PHACTR1: variants seen among roughly 807,000 people sequenced by gnomAD.
The protein encoded by PHACTR1 is RPEL repeat containing 1.
A neutral mutation model predicts 69.2 loss-of-function variants in PHACTR1; 16 were observed. The observed-to-expected ratio is 0.23, with a 90% CI of 0.16 to 0.35. The LOEUF is 0.35. Among genes scored for constraint, PHACTR1 ranks in the 10% least tolerant of loss-of-function variants. PHACTR1 has a pLI of 1.00. For missense variants in PHACTR1, 510 were observed against 734.7 expected, an observed-to-expected ratio of 0.69 and a Z score of 3.54; for synonymous variants, 312 against 284.5, an observed-to-expected ratio of 1.10 and a Z score of -0.97.
intron 4 of PHACTR1, among the ~76,000 whole-genome samples, chr6:13,044,935 T>C (rs1804788159): frequency 6.8e-6 from 1 of 146,176 alleles, no homozygotes; most frequent in East Asian, 1.9e-4. Context: ...GGTGTACATC[T>C]ATATTATATG....
chr6:12,863,216 A>G (rs1276427280), intron 4 of PHACTR1, among the ~76,000 whole-genome samples: 2 of 152,220 alleles, frequency 1.3e-5, no homozygotes, highest in African/African-American at 4.8e-5. Flanking sequence ...AACTCAAAGA[A>G]TAGATATTTA....
At chr6:13,028,840 C>T (rs1485437709) in intron 4 of PHACTR1, among the ~76,000 whole-genome samples, 6 of 152,062 alleles carry the variant, frequency 3.9e-5, no homozygotes, top group African/African-American at 1.2e-4. Flanking sequence ...AGTGAGTTCA[C>T]CAAAGCAAGA....
chr6:12,940,937 G>C (rs960181622), intron 4 of PHACTR1, among the ~76,000 whole-genome samples: 4 of 152,210 alleles, frequency 2.6e-5, no homozygotes, highest in Non-Finnish European at 5.9e-5. Context: ...ATGGCTTCAA[G>C]GTGTCTGTAT....
intron 5 of PHACTR1, among the ~76,000 whole-genome samples, chr6:13,083,258 T>C (rs1811703463): frequency 1.3e-5 from 2 of 152,046 alleles, no homozygotes; most frequent in Non-Finnish European, 2.9e-5. Context: ...TAGTTGTAGA[T>C]ATGCGGCATT....
At chr6:12,989,564 C>G (rs780005571) in intron 4 of PHACTR1, among the ~76,000 whole-genome samples, 11 of 152,186 alleles carry the variant, frequency 7.2e-5, no homozygotes, top group Admixed American at 2.6e-4. Flanking sequence ...GTGACTTTCT[C>G]TTAATGTTTT....
intron 4 of PHACTR1, among the ~76,000 whole-genome samples, chr6:12,935,096 G>A (rs1214786808): frequency 6.6e-6 from 1 of 152,074 alleles, no homozygotes. Flanking sequence ...ACTGTGGGGG[G>A]CCATAGCAAA....
Position 13,025,777 on chromosome 6 carries a change from C to G in PHACTR1, c.251-27588C>G, listed in dbSNP as rs544610532. 3.3e-5 allele frequency among the ~76,000 whole-genome samples: 5 copies of G among 150,974 alleles called. No homozygotes were observed. In the East Asian group the frequency reaches 7.8e-4, roughly 23 times the overall value. On this transcript the variant is annotated intron_variant, in intron 4 of 14. Coordinates refer to ENST00000332995, the MANE Select transcript of PHACTR1 (RefSeq NM_030948.6). ...AGTTTTGGAAACATGTATGTATTGGCTAAAGAATTACATTACATCATATAG... is the reference window on the plus strand; with the variant it reads ...AGTTTTGGAAACATGTATGTATTGGGTAAAGAATTACATTACATCATATAG...
chr6:13,004,556 A>G (rs1284365112), intron 4 of PHACTR1, among the ~76,000 whole-genome samples: 3 of 152,156 alleles, frequency 2.0e-5, no homozygotes, highest in Non-Finnish European at 2.9e-5. Context: ...TCTTGTTTAA[A>G]TTTTACTTTA....
At chr6:12,718,444 T>C in intron 2 of PHACTR1, 1 of 178,178 alleles carries the variant, frequency 5.6e-6, no homozygotes, top group East Asian at 1.4e-4. Context: ...AAGGCTGGTA[T>C]GTTATCTCTC....
chr6:12,731,338 A>G (rs892623969), intron 3 of PHACTR1, among the ~76,000 whole-genome samples: 2 of 152,164 alleles, frequency 1.3e-5, no homozygotes, highest in African/African-American at 4.8e-5. Flanking sequence ...AAACCCATGC[A>G]GTAATATATT....
At chr6:13,009,324 T>C (rs2127641303) in intron 4 of PHACTR1, among the ~76,000 whole-genome samples, 1 of 152,120 alleles carries the variant, frequency 6.6e-6, no homozygotes, top group African/African-American at 2.4e-5. Context: ...AAAGGACACA[T>C]AGAAGCAGGG....
At chr6:12,837,624 A>C (rs910928679) in intron 4 of PHACTR1, among the ~76,000 whole-genome samples, 1 of 151,432 alleles carries the variant, frequency 6.6e-6, no homozygotes, top group African/African-American at 2.4e-5. Context: ...AAACCACAAA[A>C]ATCTCTTTTT....
chr6:13,150,566 C>T (rs1157370673), intron 5 of PHACTR1, among the ~76,000 whole-genome samples: 1 of 152,136 alleles, frequency 6.6e-6, no homozygotes, highest in East Asian at 1.9e-4. Context: ...ATATGTTTAG[C>T]ATATCATGTT....
chr6:13,100,858 G>A (rs533712060), intron 5 of PHACTR1, among the ~76,000 whole-genome samples: 1 of 152,312 alleles, frequency 6.6e-6, no homozygotes, highest in South Asian at 2.1e-4. Flanking sequence ...AAGAGAAGAG[G>A]TGACCAGGTG....
intron 7 of PHACTR1, chr6:13,185,058 T>A: frequency 7.9e-7 from 1 of 1,272,078 alleles, no homozygotes. Flanking sequence ...TTCAAGGGAT[T>A]TTCTTTTTCT....
At chr6:12,904,077 C>G (rs1250916581) in intron 4 of PHACTR1, among the ~76,000 whole-genome samples, 1 of 152,168 alleles carries the variant, frequency 6.6e-6, no homozygotes, top group Non-Finnish European at 1.5e-5. Flanking sequence ...CTGAGCTATT[C>G]TTTTACATAT....
intron 4 of PHACTR1, among the ~76,000 whole-genome samples, chr6:12,784,468 A>AG (rs1771257373): frequency 6.6e-6 from 1 of 151,302 alleles, no homozygotes; most frequent in African/African-American, 2.5e-5. Context: ...CTATACACAC[A>AG]TGTCTATACA....
At chr6:12,997,434 G>A (rs1299701592) in intron 4 of PHACTR1, among the ~76,000 whole-genome samples, 1 of 149,302 alleles carries the variant, frequency 6.7e-6, no homozygotes, top group East Asian at 1.9e-4. Flanking sequence ...GGGATGGGGA[G>A]GAGAGAGTCT....
chr6:13,270,851 A>G (rs1777552247), intron 10 of PHACTR1, among the ~76,000 whole-genome samples: 1 of 152,122 alleles, frequency 6.6e-6, no homozygotes, highest in Non-Finnish European at 1.5e-5. Context: ...TCTGCAGGCT[A>G]TACAGGCAGC....
Sources: gnomAD v4.1 joint callset for allele counts (sites outside exome capture counted in the v4.1 genomes callset) on GRCh38, gnomAD v4.1.1 for gene constraint, MANE v1.5 for transcripts, NCBI Gene and HGNC (gene_info 2026-07-23, HGNC 2026-07-21) for gene names.